MAP2: variants seen among roughly 807,000 people sequenced by gnomAD.
MAP2 encodes the protein microtubule-associated protein 2.
Under a neutral mutation model 137.6 loss-of-function variants are expected in MAP2, and 14 were observed. The ratio of observed to expected loss-of-function variants is 0.10; its 90% confidence interval spans 0.07 to 0.16. The LOEUF is 0.16. Among genes scored for constraint, MAP2 ranks in the 10% least tolerant of loss-of-function variants. MAP2 has a pLI of 1.00. For missense variants in MAP2, 2,088 were observed against 2,191.5 expected, an observed-to-expected ratio of 0.95 and a Z score of 0.94; for synonymous variants, 786 against 782.3, an observed-to-expected ratio of 1.00 and a Z score of -0.08.
intron 2 of MAP2, among the ~76,000 whole-genome samples, chr2:209,559,360 G>A (rs983857515): frequency 6.6e-6 from 1 of 151,454 alleles, no homozygotes; most frequent in East Asian, 1.9e-4. Context: ...TCCACTGGGC[G>A]TGGTGGCTCA....
intron 1 of MAP2, among the ~76,000 whole-genome samples, chr2:209,435,142 A>G (rs977838145): frequency 2.6e-5 from 4 of 151,344 alleles, no homozygotes; most frequent in African/African-American, 9.7e-5. Context: ...TTTCTTCTAT[A>G]TAGACAACCC....
At position 209,729,843 on chromosome 2, in the gene MAP2, C is replaced by T; in HGVS notation, c.5156-7C>T. ...ATAGTTAAATCAAGGTATTTCTTCC[C>T]TCATAGGTGGCGGACGTGTGAAAAT... On this transcript the variant is annotated splice_polypyrimidine_tract_variant and splice_region_variant and intron_variant, in intron 14 of 15. Transcript: ENST00000682079. 4 of 1,586,432 alleles carry T rather than the reference C, an allele frequency of 2.5e-6. No homozygotes were observed. Among genetic ancestry groups the T allele is most frequent in the Non-Finnish European group, 3.5e-6 (4 of 1,156,154 alleles).
chr2:209,449,052 T>A (rs1172781823), intron 1 of MAP2, among the ~76,000 whole-genome samples: 1 of 152,192 alleles, frequency 6.6e-6, no homozygotes, highest in Admixed American at 6.5e-5. Flanking sequence ...GTAAGTCTTG[T>A]ACGTGCTTCC....
At chr2:209,667,223 A>C (rs899755607) in intron 5 of MAP2, among the ~76,000 whole-genome samples, 3 of 152,034 alleles carry the variant, frequency 2.0e-5, no homozygotes, top group South Asian at 2.1e-4. Flanking sequence ...AGATCATGTC[A>C]TTCCTGCCTC....
At chr2:209,499,001 C>T (rs1215780049) in intron 1 of MAP2, among the ~76,000 whole-genome samples, 1 of 152,080 alleles carries the variant, frequency 6.6e-6, no homozygotes, top group African/African-American at 2.4e-5. Flanking sequence ...GCTTGAATTC[C>T]TCTCTCAAAA....
chr2:209,521,964 A>G (rs998474568), intron 2 of MAP2, among the ~76,000 whole-genome samples: 2 of 152,136 alleles, frequency 1.3e-5, no homozygotes, highest in African/African-American at 4.8e-5. Flanking sequence ...GACAAGCCAT[A>G]TTTTTAGAGC....
chr2:209,698,814 C>CT (rs1425358416), intron 10 of MAP2, among the ~76,000 whole-genome samples: 2 of 152,122 alleles, frequency 1.3e-5, no homozygotes, highest in African/African-American at 4.8e-5. Flanking sequence ...CTTCATTAAA[C>CT]TTAGTAGCAA....
chr2:209,660,701 A>ATT (rs2043102437), intron 5 of MAP2, among the ~76,000 whole-genome samples: 1 of 104,440 alleles, frequency 9.6e-6, no homozygotes, highest in Non-Finnish European at 1.9e-5. Flanking sequence ...GGCCTGCTGC[A>ATT]ATTATTATTA....
intron 3 of MAP2, among the ~76,000 whole-genome samples, chr2:209,622,647 A>C (rs574236971): frequency 2.0e-5 from 3 of 152,254 alleles, no homozygotes; most frequent in African/African-American, 7.2e-5. Context: ...GTTGTAAAAA[A>C]ATTAGTGTTA....
intron 11 of MAP2, chr2:209,703,859 A>G (rs2153742814): frequency 2.6e-6 from 1 of 378,064 alleles, no homozygotes; most frequent in African/African-American, 2.1e-5. Flanking sequence ...TTTGGAAGTA[A>G]AGAAGAGCAA....
rs139978953 is a variant in MAP2 at position 209,692,851 on chromosome 2, G to T, written c.681G>T (p.Gly227=). ...EEEKAPLALF[G]HTLVASLEDM... ...AAAAAGCACCCCTAGCTTTGTTTGG[G>T]CACACTCTTGTTGCCAGCCTGGAAG... The change falls in exon 8 of 16, where the codon GGG becomes GGT. Residue 227 remains glycine (G), a synonymous_variant. Coordinates refer to ENST00000682079, the MANE Select transcript of MAP2 (RefSeq NM_001375505.1). 1 of 1,613,374 alleles carries T rather than the reference G, an allele frequency of 6.2e-7. No individual in the cohort carries two copies. The highest frequency in any genetic ancestry group is 1.7e-5 in the Admixed American group (1 of 59,860).
intron 2 of MAP2, among the ~76,000 whole-genome samples, chr2:209,508,009 A>G (rs1328173199): frequency 1.3e-5 from 2 of 152,094 alleles, no homozygotes; most frequent in Non-Finnish European, 2.9e-5. Flanking sequence ...TTGCAGGAAA[A>G]CACTTTGAAT....
chr2:209,502,434 T>A (rs2060495909), intron 1 of MAP2, among the ~76,000 whole-genome samples: 1 of 152,212 alleles, frequency 6.6e-6, no homozygotes, highest in Admixed American at 6.5e-5. Context: ...CCTTTTAAAG[T>A]CTTAATAATG....
intron 4 of MAP2, among the ~76,000 whole-genome samples, chr2:209,633,434 C>T (rs892355285): frequency 8.5e-5 from 13 of 152,088 alleles, no homozygotes; most frequent in South Asian, 4.1e-4. Context: ...AAAGTTTCAC[C>T]GCTTCCAAAA....
intron 12 of MAP2, among the ~76,000 whole-genome samples, chr2:209,708,832 A>G (rs2064352681): frequency 6.6e-6 from 1 of 152,184 alleles, no homozygotes; most frequent in Non-Finnish European, 1.5e-5. Context: ...CTTAGACGTT[A>G]GTAGCATCTG....
chr2:209,491,122 A>G lies in MAP2; in HGVS notation c.-221-16470A>G, dbSNP rs1258619450. ...TCTCAGACCACAGTGCAATCAGATT[A>G]GAACTCAGGATTAAGAAACTCACTC... is the stretch of plus-strand genomic sequence containing the variant. On this transcript the variant is annotated intron_variant, in intron 1 of 15. Coordinates refer to ENST00000682079, the MANE Select transcript of MAP2 (RefSeq NM_001375505.1). Among the ~76,000 whole-genome samples, 6 of 152,228 alleles carry G rather than the reference A, an allele frequency of 3.9e-5. No homozygotes were observed. In the East Asian group the frequency reaches 9.6e-4, roughly 24 times the overall value.
At chr2:209,518,488 G>A (rs894362935) in intron 2 of MAP2, among the ~76,000 whole-genome samples, 2 of 152,064 alleles carry the variant, frequency 1.3e-5, no homozygotes, top group African/African-American at 4.8e-5. Context: ...GCACGCATAA[G>A]GGAATGAGGA....
At chr2:209,457,596 T>C (rs925573206) in intron 1 of MAP2, among the ~76,000 whole-genome samples, 1 of 152,160 alleles carries the variant, frequency 6.6e-6, no homozygotes, top group African/African-American at 2.4e-5. Context: ...GACCTGAACA[T>C]GTAGCTTATT....
At position 209,695,134 on chromosome 2, in the gene MAP2, A is replaced by C. The variant is rs545323087; in HGVS notation, c.2964A>C (p.Glu988Asp). Reference sequence around the variant, plus strand: ...CTGAAGAGGCTGGTGATGAAATAGAAACATTCGGATTAGGAGTAACCTATG... The same window carrying C: ...CTGAAGAGGCTGGTGATGAAATAGACACATTCGGATTAGGAGTAACCTATG... Reference protein sequence around the residue: ...KKTEEAGDEIETFGLGVTYEQ... With the variant: ...KKTEEAGDEIDTFGLGVTYEQ... The change falls in exon 8 of 16, where the codon GAA becomes GAC. Residue 988 changes from glutamate to aspartate, a missense_variant. Physicochemically the swap from Glu to Asp is conservative, Grantham distance 45. Around this residue, in one of 6 missense-constraint regions of MAP2, gnomAD observed 500 missense variants for 482.9 expected, o/e 1.04. Coordinates refer to ENST00000682079, the MANE Select transcript of MAP2 (RefSeq NM_001375505.1). 2.5e-6 allele frequency: 4 copies of C among 1,614,162 alleles called. No homozygotes were observed. The South Asian group carries it at 3.3e-5, about 13-fold the overall frequency.
Sources: allele counts gnomAD v4.1 joint callset (sites outside exome capture counted in the v4.1 genomes callset), GRCh38; gene constraint gnomAD v4.1.1; regional missense constraint gnomAD v4.1.1; transcripts MANE v1.5; gene names NCBI Gene and HGNC (gene_info 2026-07-23, HGNC 2026-07-21).